SEPTIN9: variants seen among roughly 807,000 people sequenced by gnomAD.
The protein encoded by SEPTIN9 is septin-9.
A neutral mutation model predicts 56.6 loss-of-function variants in SEPTIN9; 13 were observed. The ratio of observed to expected loss-of-function variants is 0.23; its 90% CI spans 0.15 to 0.37. SEPTIN9 has a LOEUF of 0.37. Among genes scored for constraint, SEPTIN9 ranks in the 10% least tolerant of loss-of-function variants. SEPTIN9 has a pLI of 1.00. For missense variants in SEPTIN9, 650 were observed against 823.1 expected, an observed-to-expected ratio of 0.79 and a Z score of 2.57; for synonymous variants, 332 against 334.1, an observed-to-expected ratio of 0.99 and a Z score of 0.07.
In SEPTIN9 at chr17:77,410,723, A is replaced by G. The variant is rs532137506; in HGVS notation, c.721+8020A>G. Among the ~76,000 whole-genome samples the G allele has an allele frequency of 2.0e-5, 3 of 152,346 alleles. No individual in the cohort carries two copies. In the East Asian group the frequency reaches 5.8e-4, roughly 29 times the overall value. On this transcript the variant is annotated intron_variant, in intron 3 of 11. Transcript: ENST00000427177. ...CCTGGGGGATTCGTGTTAAACAAGCACATAAACAAAAGCCAACACAACCCT... is the reference window on the plus strand; with the variant it reads ...CCTGGGGGATTCGTGTTAAACAAGCGCATAAACAAAAGCCAACACAACCCT...
At chr17:77,375,934 G>T in intron 2 of SEPTIN9, 1 of 215,844 alleles carries the variant, frequency 4.6e-6, no homozygotes, top group Non-Finnish European at 7.9e-6. Context: ...TATGGGAGTT[G>T]GACAACCTTG....
At chr17:77,488,936 C>T (rs751668147) in intron 7 of SEPTIN9, 72 bp downstream of exon 7, 74 of 1,576,064 alleles carry the variant, frequency 4.7e-5, no homozygotes, top group Middle Eastern at 1.7e-4. Context: ...GACTGCAAGA[C>T]GGTGCTGTCT....
At chr17:77,383,587 G>C (rs920249067) in intron 2 of SEPTIN9, among the ~76,000 whole-genome samples, 2 of 152,218 alleles carry the variant, frequency 1.3e-5, no homozygotes, top group Non-Finnish European at 2.9e-5. Context: ...GGGGTCTGAC[G>C]GGGGCTGCCT....
At chr17:77,291,945 A>G (rs2031575494) in intron 1 of SEPTIN9, among the ~76,000 whole-genome samples, 2 of 152,346 alleles carry the variant, frequency 1.3e-5, no homozygotes, top group Admixed American at 6.5e-5. Context: ...AATGAACAGA[A>G]TGCCGTTTGC....
chr17:77,402,699 G>A lies in SEPTIN9; in HGVS notation c.717G>A (p.Gln239=). 1 of 1,583,878 alleles carries A rather than the reference G, an allele frequency of 6.3e-7. No homozygotes were observed. Among genetic ancestry groups the A allele is most frequent in the East Asian group, 2.2e-5 (1 of 44,528 alleles). Residue 239 remains glutamine, a synonymous_variant, in exon 3 of 12, where the codon CAG becomes CAA. Coordinates refer to ENST00000427177, the MANE Select transcript of SEPTIN9 (RefSeq NM_001113491.2). This position sits in a 1 kb window ranked among gnomAD's most constrained non-coding sequence, Gnocchi z 6.6. ...PPVAEATPRS[Q]EATEAAPSCV... ...TGGCTGAGGCTACACCCCGGAGCCA[G>A]GAGGGTGAGTCGCAGAGCGCTAGGT...
chr17:77,380,363 C>T (rs1395885502), intron 2 of SEPTIN9: 1 of 136,102 alleles, frequency 7.3e-6, no homozygotes, highest in Admixed American at 7.2e-5. Context: ...TCAGACTCTA[C>T]TGGGCTTCTC....
intron 10 of SEPTIN9, among the ~76,000 whole-genome samples, chr17:77,495,169 AG>A (rs1280706825): frequency 7.8e-6 from 1 of 127,526 alleles, no homozygotes; most frequent in Non-Finnish European, 1.9e-5. Flanking sequence ...AGAAACTGTC[AG>A]GAAATGCACA....
At chr17:77,498,164 T>C (rs2040352324) in intron 11 of SEPTIN9, among the ~76,000 whole-genome samples, 1 of 151,850 alleles carries the variant, frequency 6.6e-6, no homozygotes. Flanking sequence ...GCCAGCACCC[T>C]GGACACCGGC....
rs1232469675 is a variant in SEPTIN9 at position 77,465,704 on chromosome 17, T to G, written c.722-16440T>G. On this transcript the variant is annotated intron_variant, in intron 3 of 11. Transcript: ENST00000427177. ...CTGACTTCCAGTTTCCTTTGCCTGT[T>G]GGAGCCCAGAACAAGTCAGAAAGGG... Among the ~76,000 whole-genome samples, 5 of 152,130 alleles carry G rather than the reference T, an allele frequency of 3.3e-5. No individual in the cohort carries two copies. The South Asian group carries it at 8.3e-4, about 25-fold the overall frequency.
Position 77,323,704 on chromosome 17 carries a change from C to T in SEPTIN9, c.76+16507C>T, listed in dbSNP as rs1266785408. 2 of 152,634 alleles carry T rather than the reference C, an allele frequency of 1.3e-5. No individual in the cohort carries two copies. Among genetic ancestry groups the T allele is most frequent in the Non-Finnish European group, 1.5e-5 (1 of 68,332 alleles). 9.5% of individuals were successfully genotyped at this position (152,634 alleles called of 1,614,324 possible). ...GCCCTCACCCCTCCCTCCTGTCCCT[C>T]GCTGTGCTGTCCCCGATGGCCTCTG... On this transcript the variant is annotated intron_variant, in intron 2 of 11. Coordinates refer to ENST00000427177, the MANE Select transcript of SEPTIN9 (RefSeq NM_001113491.2). The surrounding 1 kb of genome is among the most constrained non-coding windows in gnomAD (Gnocchi z 6.8).
chr17:77,404,201 G>C (rs1026126560), intron 3 of SEPTIN9, among the ~76,000 whole-genome samples: 2 of 152,038 alleles, frequency 1.3e-5, no homozygotes, highest in African/African-American at 2.4e-5. Flanking sequence ...GGACCCTTGG[G>C]TTGCTTCCAC....
At chr17:77,386,253 C>T (rs1025833042) in intron 2 of SEPTIN9, among the ~76,000 whole-genome samples, 2 of 152,190 alleles carry the variant, frequency 1.3e-5, no homozygotes, top group Non-Finnish European at 1.5e-5. Flanking sequence ...TGCAGAGGGG[C>T]CTCATGCTGG....
chr17:77,398,259 G>C (rs1168976937), intron 2 of SEPTIN9, among the ~76,000 whole-genome samples: 1 of 152,218 alleles, frequency 6.6e-6, no homozygotes, highest in Non-Finnish European at 1.5e-5. Flanking sequence ...ACAGGCGTGA[G>C]CCACCACGCC....
chr17:77,493,170 G>A (rs895189869), intron 10 of SEPTIN9, 94 bp downstream of exon 10: 16 of 954,486 alleles, frequency 1.7e-5, no homozygotes, highest in East Asian at 1.3e-4. Flanking sequence ...CCAGGGACTC[G>A]TGGAACCTCA....
rs2037384566 is a variant in SEPTIN9 at position 77,437,479 on chromosome 17, C to G, written c.721+34776C>G. On this transcript the variant is annotated intron_variant, in intron 3 of 11. Transcript: ENST00000427177. The surrounding 1 kb of genome is among the most constrained non-coding windows in gnomAD (Gnocchi z 5.3). Reference sequence around the variant, plus strand: ...CTCACGGAGAAGCCAGGGGATGGCTCTCAGTACTCTCGGGGGTCTCTCAGT... The same window carrying G: ...CTCACGGAGAAGCCAGGGGATGGCTGTCAGTACTCTCGGGGGTCTCTCAGT... Among the ~76,000 whole-genome samples, 1 of 152,188 alleles carries G rather than the reference C, an allele frequency of 6.6e-6. No individual in the cohort carries two copies.
chr17:77,340,285 C>T lies in SEPTIN9; in HGVS notation c.76+33088C>T, dbSNP rs148582541. Among the ~76,000 whole-genome samples, 464 of 151,644 alleles carry T rather than the reference C, an allele frequency of 3.1e-3. 1 individual carries two copies. The Middle Eastern group carries it at 0.031, about 10-fold the overall frequency. On this transcript the variant is annotated intron_variant, in intron 2 of 11. Transcript: ENST00000427177. ...CCTCCCAAGTAGCTGGAATTACAGG[C>T]GTGTGACACCATGCCTGAATAATTT...
At chr17:77,292,403 A>C (rs1384644545) in intron 1 of SEPTIN9, among the ~76,000 whole-genome samples, 2 of 152,024 alleles carry the variant, frequency 1.3e-5, no homozygotes, top group Non-Finnish European at 2.9e-5. Context: ...CCCATTAATC[A>C]GAAGGGATCC....
At position 77,456,763 on chromosome 17, in the gene SEPTIN9, AG is replaced by A. The variant is rs961116730; in HGVS notation, c.722-25378del. ...GGACCAGCACCGGGTACCCACAGCC[AG>A]GGACGGGTCCCCATGGCCAGTACCA... On this transcript the variant is annotated intron_variant, in intron 3 of 11. Coordinates refer to ENST00000427177, the MANE Select transcript of SEPTIN9 (RefSeq NM_001113491.2). The surrounding 1 kb of genome is among the most constrained non-coding windows in gnomAD (Gnocchi z 6.0). Among the ~76,000 whole-genome samples, 2 of 152,078 alleles carry A rather than the reference AG, an allele frequency of 1.3e-5. No individual in the cohort carries two copies. Among genetic ancestry groups the A allele is most frequent in the African/African-American group, 2.4e-5 (1 of 41,414 alleles).
intron 3 of SEPTIN9, among the ~76,000 whole-genome samples, chr17:77,406,616 C>A (rs955176246): frequency 6.6e-6 from 1 of 151,856 alleles, no homozygotes; most frequent in Admixed American, 6.6e-5. Flanking sequence ...TCCTTTCATG[C>A]CCCCACTAGA....
Sources: allele counts gnomAD v4.1 joint callset (sites outside exome capture counted in the v4.1 genomes callset), GRCh38; gene constraint gnomAD v4.1.1; non-coding constraint Gnocchi (gnomAD v3.1); transcripts MANE v1.5; gene names NCBI Gene and HGNC (gene_info 2026-07-23, HGNC 2026-07-21).